Variants in CFAP91 observed in about 807,000 individuals in gnomAD.
The protein encoded by CFAP91 is cilia and flagella associated protein 91.
In CFAP91, 85 loss-of-function variants were observed where a neutral mutation model predicts 95.9. The ratio of observed to expected loss-of-function variants is 0.89; its 90% CI spans 0.74 to 1.06. CFAP91 has a LOEUF of 1.06. CFAP91 is among the 50% of genes least tolerant of loss of function. The pLI, the probability that CFAP91 is intolerant of heterozygous loss-of-function variation, is 0.00. For missense variants in CFAP91, 962 were observed against 943.4 expected, an observed-to-expected ratio of 1.02 and a Z score of -0.26; for synonymous variants, 335 against 327.5, an observed-to-expected ratio of 1.02 and a Z score of -0.25.
rs184908918 is a variant in CFAP91 at position 119,723,832 on chromosome 3, A to G, written c.683-2339A>G. Among the ~76,000 whole-genome samples, 147 of 152,304 alleles carry G rather than the reference A, an allele frequency of 9.7e-4. 1 individual carries two copies. Among genetic ancestry groups the G allele is most frequent in the Non-Finnish European group, 1.9e-4 (13 of 68,038 alleles). The stretch of plus-strand genomic sequence containing the variant: ...TTTATGTGATAGGGATTTGTTGAAG[A>G]TTAAATGCATTAGAAAAGTGCTTGG... On this transcript the variant is annotated intron_variant, in intron 6 of 17. Coordinates refer to ENST00000273390, the MANE Select transcript of CFAP91 (RefSeq NM_033364.4).
chr3:119,745,370 G>A (rs1325431474), intron 14 of CFAP91, among the ~76,000 whole-genome samples: 3 of 151,910 alleles, frequency 2.0e-5, no homozygotes, highest in Non-Finnish European at 4.4e-5. Context: ...TAAAGTCATC[G>A]ACTCATCTTT....
intron 17 of CFAP91, among the ~76,000 whole-genome samples, chr3:119,756,347 A>T (rs983397107): frequency 6.6e-6 from 1 of 152,202 alleles, no homozygotes; most frequent in African/African-American, 2.4e-5. Context: ...CATATTCTTC[A>T]TGCAAACATA....
At chr3:119,727,845 C>T (rs534202743) in intron 7 of CFAP91, among the ~76,000 whole-genome samples, 2 of 152,232 alleles carry the variant, frequency 1.3e-5, no homozygotes, top group African/African-American at 4.8e-5. Context: ...AAGAAGCCAT[C>T]AGGCAGATAG....
chr3:119,716,465 C>G (rs1057268254), intron 6 of CFAP91, among the ~76,000 whole-genome samples: 1 of 152,196 alleles, frequency 6.6e-6, no homozygotes, highest in Non-Finnish European at 1.5e-5. Flanking sequence ...TACTTTCCCC[C>G]GCATTGTAAC....
At position 119,719,108 on chromosome 3, in the gene CFAP91, A is replaced by G. The variant is rs562452889; in HGVS notation, c.682+3365A>G. ...AATGGAATTCTATATAATAATGAGAATGAAGTACAACTACATGTGATTACA... is the reference window on the plus strand; with the variant it reads ...AATGGAATTCTATATAATAATGAGAGTGAAGTACAACTACATGTGATTACA... On this transcript the variant is annotated intron_variant, in intron 6 of 17. Coordinates refer to ENST00000273390, the MANE Select transcript of CFAP91 (RefSeq NM_033364.4). Among the ~76,000 whole-genome samples the G allele has an allele frequency of 4.3e-4, 65 of 152,360 alleles. 1 individual carries two copies. The highest frequency in any genetic ancestry group is 1.4e-3 in the African/African-American group (60 of 41,588).
intron 6 of CFAP91, among the ~76,000 whole-genome samples, chr3:119,723,035 A>G (rs1286291249): frequency 6.6e-6 from 1 of 152,218 alleles, no homozygotes; most frequent in African/African-American, 2.4e-5. Context: ...CAATATAACT[A>G]TGCCTGGGTA....
At chr3:119,758,400 T>C (rs1381013246) in intron 17 of CFAP91, among the ~76,000 whole-genome samples, 1 of 152,236 alleles carries the variant, frequency 6.6e-6, no homozygotes, top group Non-Finnish European at 1.5e-5. Context: ...GTATTTCCTA[T>C]GCTATGAAAA....
rs557619123 is a variant in CFAP91 at position 119,722,336 on chromosome 3, G to A, written c.683-3835G>A. Among the ~76,000 whole-genome samples, 3 of 152,236 alleles carry A rather than the reference G, an allele frequency of 2.0e-5. No individual in the cohort carries two copies. In the South Asian group the frequency reaches 6.2e-4, roughly 32 times the overall value. On this transcript the variant is annotated intron_variant, in intron 6 of 17. Coordinates refer to ENST00000273390, the MANE Select transcript of CFAP91 (RefSeq NM_033364.4). ...TAGCTGGGCATGGTGGCATATGCCT[G>A]TAGTCCCAGCTACTCGGGAGGCTGA... is the stretch of plus-strand genomic sequence containing the variant.
chr3:119,727,543 T>C (rs2053805790), intron 7 of CFAP91, among the ~76,000 whole-genome samples: 1 of 152,198 alleles, frequency 6.6e-6, no homozygotes, highest in Non-Finnish European at 1.5e-5. Context: ...CATGCTAGAC[T>C]CTGTGCTGTG....
rs143411159 is a variant in CFAP91, at chr3:119,747,978, T to C, written c.2143+76T>C. The stretch of plus-strand genomic sequence containing the variant: ...TTTTCAATATCCCAGAGATTTAAAA[T>C]TAAACAGAGGGATGAGGAAATTTCT... On this transcript the variant is annotated intron_variant, in intron 16 of 17. Coordinates refer to ENST00000273390, the MANE Select transcript of CFAP91 (RefSeq NM_033364.4). The C allele has an allele frequency of 1.5e-4, 170 of 1,144,364 alleles. No individual in the cohort carries two copies. In the African/African-American group the frequency reaches 2.5e-3, roughly 17 times the overall value. The allele number at this position is 1,144,364 out of a possible 1,614,324, so 70.9% of individuals were successfully genotyped here. A position where few individuals can be genotyped will look rare whatever the true frequency, so the allele number is the denominator to read the frequency against.
rs1423644008 is a variant in CFAP91 at position 119,765,593 on chromosome 3, T to G, written c.*543T>G. On this transcript the variant is annotated 3_prime_UTR_variant, in exon 18 of 18. Coordinates refer to ENST00000273390, the MANE Select transcript of CFAP91 (RefSeq NM_033364.4). Reference sequence around the variant, plus strand: ...GTCCATCTCCATCGGAACAGAAAACTATACTTTGGTCTGCTTCTACAGTGG... The same window carrying G: ...GTCCATCTCCATCGGAACAGAAAACGATACTTTGGTCTGCTTCTACAGTGG... 6 of 152,214 alleles carry G rather than the reference T, an allele frequency of 3.9e-5. No homozygotes were observed. The highest frequency in any genetic ancestry group is 1.5e-5 in the Non-Finnish European group (1 of 68,044). The allele number at this position is 152,214 out of a possible 1,614,324, so 9.4% of individuals were successfully genotyped here. A position where few individuals can be genotyped will look rare whatever the true frequency, so the allele number is the denominator to read the frequency against.
intron 11 of CFAP91, 61 bp downstream of exon 11, chr3:119,737,543 G>C: frequency 9.5e-7 from 1 of 1,050,206 alleles, no homozygotes; most frequent in African/African-American, 1.6e-5. Context: ...CTTATTCTTA[G>C]GATAGTTTAG....
At chr3:119,735,698 C>G (rs1193477716) in intron 10 of CFAP91, among the ~76,000 whole-genome samples, 9 of 152,122 alleles carry the variant, frequency 5.9e-5, no homozygotes, top group African/African-American at 2.2e-4. Flanking sequence ...TCACACTGTG[C>G]CACTTGATGG....
intron 7 of CFAP91, among the ~76,000 whole-genome samples, chr3:119,726,859 C>T (rs1221043393): frequency 7.4e-6 from 1 of 134,858 alleles, no homozygotes; most frequent in Non-Finnish European, 1.6e-5. Context: ...AGTCAGGATG[C>T]CTTGCGTGCT....
intron 4 of CFAP91, among the ~76,000 whole-genome samples, chr3:119,709,355 A>C (rs1462368655): frequency 4.6e-5 from 7 of 152,230 alleles, no homozygotes; most frequent in Admixed American, 3.9e-4. Flanking sequence ...TGACTTTTCC[A>C]GAGAAATGTT....
chr3:119,712,346 G>A (rs1350611590), intron 5 of CFAP91, among the ~76,000 whole-genome samples: 2 of 152,120 alleles, frequency 1.3e-5, no homozygotes, highest in African/African-American at 2.4e-5. Context: ...GGAAAGATAC[G>A]AAGCCAGAAA....
At chr3:119,714,866 C>T (rs552216619) in intron 5 of CFAP91, among the ~76,000 whole-genome samples, 19 of 152,226 alleles carry the variant, frequency 1.2e-4, no homozygotes, top group South Asian at 2.1e-4. Context: ...CTTTTAAGCC[C>T]GGCTTAAAAA....
In CFAP91 at chr3:119,730,239, G is replaced by A. The variant is rs766008419; in HGVS notation, c.880G>A (p.Glu294Lys). 3 of 1,613,692 alleles carry A rather than the reference G, an allele frequency of 1.9e-6. No homozygotes were observed. The highest frequency in any genetic ancestry group is 2.5e-6 in the Non-Finnish European group (3 of 1,179,898). Residue 294 changes from glutamate to lysine, a missense_variant, in exon 8 of 18, where the codon GAA (glutamate) becomes AAA (lysine). Glu to Lys is a moderately conservative substitution (Grantham distance 56). Transcript: ENST00000273390. ...TTGAAGACTGCAGGAGATTCGCCTG[G>A]AAGTTCTAAAAGAGCTGTTGAGGAA... ...EIEKLQEIRL[E>K]VLKELLRKRE...
intron 4 of CFAP91, among the ~76,000 whole-genome samples, chr3:119,709,014 G>A (rs546116897): frequency 6.6e-6 from 1 of 152,294 alleles, no homozygotes; most frequent in South Asian, 2.1e-4. Flanking sequence ...TTGAAATGAA[G>A]TCATCAAATG....
Sources: allele counts gnomAD v4.1 joint callset (sites outside exome capture counted in the v4.1 genomes callset), GRCh38; gene constraint gnomAD v4.1.1; transcripts MANE v1.5; gene names NCBI Gene and HGNC (gene_info 2026-07-23, HGNC 2026-07-21).